Variants in SLF2 observed in about 807,000 individuals in gnomAD.
SLF2 encodes the protein SMC5-SMC6 complex localization factor protein 2.
SLF2 carries 68 observed loss-of-function variants against 124.3 expected under a neutral mutation model. The observed-to-expected ratio is 0.55, with a 90% CI of 0.45 to 0.67. The LOEUF (loss-of-function observed/expected upper bound fraction) is 0.67. Among genes scored for constraint, SLF2 ranks in the 30% least tolerant of loss-of-function variants. The pLI, the probability that SLF2 is intolerant of heterozygous loss-of-function variation, is 0.00. For synonymous variants in SLF2, 480 were observed against 478.8 expected (o/e 1.00, Z -0.03); for missense variants, 1,246 against 1,373.7 (o/e 0.91, Z 1.47).
intron 1 of SLF2, among the ~76,000 whole-genome samples, chr10:100,915,307 A>G (rs996131471): frequency 8.5e-5 from 13 of 152,152 alleles, no homozygotes; most frequent in African/African-American, 2.9e-4. Context: ...AGTTGTGACA[A>G]CTCATTCTAA....
At chr10:100,913,985 T>A in intron 1 of SLF2, 1 of 708,692 alleles carries the variant, frequency 1.4e-6, no homozygotes, top group Non-Finnish European at 1.7e-6. Flanking sequence ...TCCCTTATCT[T>A]AACTCTGAAA....
At chr10:100,916,475 T>C in intron 2 of SLF2, 95 bp from the exon 3 acceptor site, 1 of 1,049,034 alleles carries the variant, frequency 9.5e-7, no homozygotes, top group Non-Finnish European at 1.2e-6. Context: ...GTAACATTAG[T>C]ATAGTTTAAT....
rs552868319 is a variant in SLF2, at chr10:100,924,861, A to G, written c.1860A>G (p.Thr620=). ...TAGACAGTGATGAGGAAGAGGAAAC[A>G]TTAAAGTCACTGGAAGAAATAATGG... ...YNLDSDEEEE[T]LKSLEEIMAL... is the part of the protein sequence containing the mutation. Residue 620 remains threonine (T), a synonymous_variant, in exon 5 of 20, where the codon ACA becomes ACG. Transcript: ENST00000238961. 1.2e-6 allele frequency: 2 copies of G among 1,614,238 alleles called. No homozygotes were observed. The highest frequency in any genetic ancestry group is 1.7e-5 in the Admixed American group (1 of 60,028).
chr10:100,922,236 C>G (rs1410085839), intron 4 of SLF2, among the ~76,000 whole-genome samples: 1 of 152,146 alleles, frequency 6.6e-6, no homozygotes, highest in African/African-American at 2.4e-5. Flanking sequence ...TGCCACTGCA[C>G]CCGGCTAATT....
At chr10:100,914,579 C>T (rs1405635070) in intron 1 of SLF2, among the ~76,000 whole-genome samples, 2 of 152,104 alleles carry the variant, frequency 1.3e-5, no homozygotes, top group Non-Finnish European at 2.9e-5. Flanking sequence ...GGTCCCTTCC[C>T]ATCTCTCCTC....
At position 100,947,815 on chromosome 10, in the gene SLF2, C is replaced by T. The variant is rs749209863; in HGVS notation, c.3088C>T (p.His1030Tyr). The change falls in exon 15 of 20, where the codon CAC becomes TAC. Residue 1030 changes from histidine (H) to tyrosine (Y), a missense_variant. His to Tyr is a moderately conservative substitution (Grantham distance 83). Around this residue, in one of 3 missense-constraint regions of SLF2, gnomAD observed 535 missense variants for 632.8 expected, o/e 0.85. Transcript: ENST00000238961. ...TATTTCAAAGCTTTTGGATGAGAAACACGAAGATGTTCCTAATGCCAGTAA... is the reference window on the plus strand; with the variant it reads ...TATTTCAAAGCTTTTGGATGAGAAATACGAAGATGTTCCTAATGCCAGTAA... ...VIISKLLDEK[H>Y]EDVPNASNLQ... is the part of the protein sequence containing the mutation. 1.2e-6 allele frequency: 2 copies of T among 1,612,014 alleles called. No homozygotes were observed. The highest frequency in any genetic ancestry group is 1.1e-5 in the South Asian group (1 of 90,874).
rs1053660981 is a variant in SLF2, at chr10:100,928,033, C to A, written c.2043-1284C>A. Among the ~76,000 whole-genome samples, 6 of 21,634 alleles carry A rather than the reference C, an allele frequency of 2.8e-4. 1 individual carries two copies. Among genetic ancestry groups the A allele is most frequent in the African/African-American group, 5.7e-4 (3 of 5,250 alleles). 14.2% of individuals were successfully genotyped at this position (21,634 alleles called of 152,430 possible). A position where few individuals can be genotyped will look rare whatever the true frequency, so the allele number is the denominator to read the frequency against. On this transcript the variant is annotated intron_variant, in intron 6 of 19. Transcript: ENST00000238961. ...AAAAGTTTAGAATTATGATGAACAC[C>A]CCCCCCCCCCCCCACACACACACAC... is the stretch of plus-strand genomic sequence containing the variant.
chr10:100,947,165 GA>G, intron 14 of SLF2, 29 bp downstream of exon 14: 1 of 1,342,136 alleles, frequency 7.5e-7, no homozygotes, highest in Non-Finnish European at 1.0e-6. Flanking sequence ...TAAACATTAA[GA>G]AATTTTATAA....
In SLF2 at chr10:100,924,636, G is replaced by A; in HGVS notation, c.1635G>A (p.Leu545=). 1 of 1,613,984 alleles carries A rather than the reference G, an allele frequency of 6.2e-7. No homozygotes were observed. The highest frequency in any genetic ancestry group is 8.5e-7 in the Non-Finnish European group (1 of 1,180,008). Residue 545 remains leucine (L), a synonymous_variant, in exon 5 of 20, where the codon TTG becomes TTA. Transcript: ENST00000238961. ...CAGGGAAAATTTCTGGGGGACCTTTGCGCTCAGAATATGGCACTCCTACAA... is the reference window on the plus strand; with the variant it reads ...CAGGGAAAATTTCTGGGGGACCTTTACGCTCAGAATATGGCACTCCTACAA... ...VSSGKISGGP[L]RSEYGTPTKS... is the part of the protein sequence containing the mutation.
intron 13 of SLF2, 113 bp downstream of exon 13, chr10:100,945,619 A>G (rs1021871361): frequency 1.2e-6 from 1 of 824,942 alleles, no homozygotes; most frequent in Non-Finnish European, 1.7e-6. Flanking sequence ...CGGATTAAAA[A>G]TGAACTGAGG....
chr10:100,936,837 A>G (rs1290944142), intron 9 of SLF2, among the ~76,000 whole-genome samples: 1 of 149,638 alleles, frequency 6.7e-6, no homozygotes, highest in Non-Finnish European at 1.5e-5. Flanking sequence ...TTCAAATGTT[A>G]TATTTGTCTA....
chr10:100,951,884 TG>T (rs1850220474), intron 17 of SLF2, among the ~76,000 whole-genome samples: 1 of 152,242 alleles, frequency 6.6e-6, no homozygotes, highest in Non-Finnish European at 1.5e-5. Context: ...CCCATACTCC[TG>T]GGGAAAGATC....
At chr10:100,938,879 A>G (rs908060316) in intron 11 of SLF2, 143 bp downstream of exon 11, 2 of 705,598 alleles carry the variant, frequency 2.8e-6, no homozygotes, top group Non-Finnish European at 4.2e-6. Flanking sequence ...TACATTTTTA[A>G]CATGTCTTAA....
rs866754562 is a variant in SLF2 at position 100,950,584 on chromosome 10, A to G, written c.3253-92A>G. On this transcript the variant is annotated intron_variant, in intron 16 of 19. Transcript: ENST00000238961. Reference sequence around the variant, plus strand: ...CTGGGTTAACTTGACCGTATCCTTTATCCTTCCTGGGCAATTTTCCTAATG... The same window carrying G: ...CTGGGTTAACTTGACCGTATCCTTTGTCCTTCCTGGGCAATTTTCCTAATG... 7 of 1,099,012 alleles carry G rather than the reference A, an allele frequency of 6.4e-6. No individual in the cohort carries two copies. The South Asian group carries it at 9.6e-5, about 15-fold the overall frequency. The allele number at this position is 1,099,012 out of a possible 1,614,324, so 68.1% of individuals were successfully genotyped here.
intron 11 of SLF2, among the ~76,000 whole-genome samples, chr10:100,941,592 T>C (rs1006042826): frequency 3.3e-5 from 5 of 152,192 alleles, no homozygotes; most frequent in Admixed American, 3.3e-4. Context: ...TCTCTACTAT[T>C]CTCAAACCTT....
In SLF2 at chr10:100,962,841, A is replaced by ATG. The variant is rs34345512; in HGVS notation, c.*956_*957dup. 12,466 of 144,256 alleles carry ATG rather than the reference A, an allele frequency of 0.086. 561 individuals are homozygous for ATG. The highest frequency in any genetic ancestry group is 0.14 in the African/African-American group (5,419 of 39,242). 8.9% of individuals were successfully genotyped at this position (144,256 alleles called of 1,614,324 possible). ...ATTCTTTGGGACACTGTGTCTGTGT[A>ATG]TGTGTGTGTGTGTGTGTGTGTGTGT... On this transcript the variant is annotated 3_prime_UTR_variant, in exon 20 of 20. Transcript: ENST00000238961.
At chr10:100,952,168 C>T (rs1850228466) in intron 17 of SLF2, among the ~76,000 whole-genome samples, 1 of 151,970 alleles carries the variant, frequency 6.6e-6, no homozygotes, top group African/African-American at 2.4e-5. Flanking sequence ...CGCTTGAACC[C>T]AGGAGGCGGA....
rs138166820 is a variant in SLF2 at position 100,963,269 on chromosome 10, G to T, written c.*1357G>T. 1.2e-4 allele frequency: 19 copies of T among 152,656 alleles called. No individual in the cohort carries two copies. The highest frequency in any genetic ancestry group is 4.6e-4 in the African/African-American group (19 of 41,538). 9.5% of individuals were successfully genotyped at this position (152,656 alleles called of 1,614,324 possible). ...CTAAATTGAGGCTTAGGAGTAAAAAGCATTTTGTCCTAAATTTATCATTTA... is the reference window on the plus strand; with the variant it reads ...CTAAATTGAGGCTTAGGAGTAAAAATCATTTTGTCCTAAATTTATCATTTA... On this transcript the variant is annotated 3_prime_UTR_variant, in exon 20 of 20. Coordinates refer to ENST00000238961, the MANE Select transcript of SLF2 (RefSeq NM_018121.4).
chr10:100,953,353 C>G (rs1337140605), intron 17 of SLF2, among the ~76,000 whole-genome samples: 1 of 149,152 alleles, frequency 6.7e-6, no homozygotes, highest in Non-Finnish European at 1.5e-5. Context: ...AAGTCAGTGA[C>G]TGGGCATGGT....
Sources: gnomAD v4.1 joint callset for allele counts (sites outside exome capture counted in the v4.1 genomes callset) on GRCh38, gnomAD v4.1.1 for gene constraint, gnomAD v4.1.1 regional missense constraint, MANE v1.5 for transcripts, NCBI Gene and HGNC (gene_info 2026-07-23, HGNC 2026-07-21) for gene names.